Variants in ABR observed in about 807,000 individuals in gnomAD.
ABR encodes ABR activator of RhoGEF and GTPase.
In ABR, 35 loss-of-function variants were observed where a neutral mutation model predicts 107.2. The ratio of observed to expected loss-of-function variants is 0.33; its 90% CI spans 0.25 to 0.43. The LOEUF (loss-of-function observed/expected upper bound fraction) is 0.43, where lower values mean the gene tolerates loss of function less well. Ranked by LOEUF, ABR falls within the 20% of genes least tolerant of loss-of-function variation. The pLI, the probability that ABR is intolerant of heterozygous loss-of-function variation, is 1.00. For missense variants in ABR, 815 were observed against 1,115.2 expected, an observed-to-expected ratio of 0.73 and a Z score of 3.83; for synonymous variants, 498 against 462.0, an observed-to-expected ratio of 1.08 and a Z score of -1.00.
intron 10 of ABR, among the ~76,000 whole-genome samples, chr17:1,065,474 T>A (rs1229931645): frequency 5.0e-5 from 5 of 99,544 alleles, no homozygotes; most frequent in Admixed American, 3.3e-4. Flanking sequence ...TGCATGTTCC[T>A]CTAGACGCTG....
chr17:1,046,329 G>A (rs1215407914), intron 16 of ABR, among the ~76,000 whole-genome samples: 1 of 139,800 alleles, frequency 7.2e-6, no homozygotes, highest in Non-Finnish European at 1.6e-5. Context: ...GTAGAAACAG[G>A]GTTTCGCCAT....
chr17:1,034,985 CT>C (rs2073060767), intron 16 of ABR, among the ~76,000 whole-genome samples: 1 of 152,022 alleles, frequency 6.6e-6, no homozygotes, highest in Non-Finnish European at 1.5e-5. Flanking sequence ...CGATGGCCAG[CT>C]GGTCTCCATG....
intron 10 of ABR, among the ~76,000 whole-genome samples, chr17:1,062,038 G>C (rs1212212315): frequency 6.6e-6 from 1 of 152,210 alleles, no homozygotes; most frequent in Non-Finnish European, 1.5e-5. Context: ...AACCAAGACT[G>C]TGGTGGGCGT....
At chr17:1,152,050 G>A (rs1026223682) in intron 1 of ABR, among the ~76,000 whole-genome samples, 3 of 149,888 alleles carry the variant, frequency 2.0e-5, no homozygotes, top group Admixed American at 1.3e-4. Context: ...AGCACTTTGG[G>A]AGGCCAAAGC....
intron 21 of ABR, among the ~76,000 whole-genome samples, chr17:1,008,871 C>T (rs1172616326): frequency 6.6e-5 from 10 of 152,188 alleles, no homozygotes; most frequent in Admixed American, 6.5e-4. Context: ...CCAACTTTAG[C>T]CACTCTTGGT....
chr17:1,160,342 C>CTT (rs1298766956), intron 1 of ABR, among the ~76,000 whole-genome samples: 1 of 151,644 alleles, frequency 6.6e-6, no homozygotes, highest in East Asian at 1.9e-4. Context: ...GGGCCAGGCA[C>CTT]TCACACATTA....
At chr17:1,206,567 C>T (rs370016063) in intron 1 of ABR, among the ~76,000 whole-genome samples, 2 of 152,176 alleles carry the variant, frequency 1.3e-5, no homozygotes, top group Admixed American at 6.6e-5. Flanking sequence ...AAATAACCAG[C>T]TTTCGTTTCT....
intron 1 of ABR, among the ~76,000 whole-genome samples, chr17:1,137,259 G>C (rs2040108987): frequency 6.6e-6 from 1 of 152,098 alleles, no homozygotes; most frequent in African/African-American, 2.4e-5. Flanking sequence ...GGCCAGGCTG[G>C]TCTTGAACTC....
Position 1,108,821 on chromosome 17 carries a change from C to T in ABR, c.247-8086G>A. ...AGCTGCCGGGGCCGGGACCCTCCGC[C>T]GAGGGCTTCCACCCGGCCGCGCGCT... On this transcript the variant is annotated intron_variant, in intron 2 of 22. Transcript: ENST00000302538. The T allele has an allele frequency of 4.8e-6, 4 of 840,648 alleles. No individual in the cohort carries two copies. The East Asian group carries it at 1.4e-4, about 28-fold the overall frequency. 52.1% of individuals were successfully genotyped at this position (840,648 alleles called of 1,614,324 possible).
Position 1,171,990 on chromosome 17 carries a change from G to A in ABR, c.61+7677C>T, listed in dbSNP as rs118032366. Among the ~76,000 whole-genome samples, 237 of 152,286 alleles carry A rather than the reference G, an allele frequency of 1.6e-3. No individual in the cohort carries two copies. In the East Asian group the frequency reaches 0.023, roughly 15 times the overall value. On this transcript the variant is annotated intron_variant, in intron 1 of 22. Transcript: ENST00000302538. ...TAATCAATCAGGTCACCACAGAGCC[G>A]ACCACATCTGGCTCTATCTACTGAA...
At chr17:1,178,555 ACTCCGT>A in intron 1 of ABR, among the ~76,000 whole-genome samples, 1 of 116,044 alleles carries the variant, frequency 8.6e-6, no homozygotes, top group East Asian at 2.2e-4. Context: ...CAGAGCCGAG[ACTCCGT>A]CTCAAAAAAA....
chr17:1,093,056 C>T (rs565175120), intron 3 of ABR, among the ~76,000 whole-genome samples: 4 of 151,862 alleles, frequency 2.6e-5, no homozygotes, highest in South Asian at 2.1e-4. Flanking sequence ...CTCCTGACCT[C>T]GTGATCCACC....
At chr17:1,222,562 G>C (rs549138891) in intron 1 of ABR, among the ~76,000 whole-genome samples, 7 of 152,224 alleles carry the variant, frequency 4.6e-5, no homozygotes, top group African/African-American at 1.7e-4. Flanking sequence ...AGATGAATCA[G>C]GTTCAGGTAA....
At chr17:1,079,024 C>T (rs1353272357) in intron 6 of ABR, 27 of 1,165,712 alleles carry the variant, frequency 2.3e-5, no homozygotes, top group Admixed American at 9.9e-5. Flanking sequence ...GGGAGGGAGG[C>T]GCGTGGCGAG....
chr17:1,188,159 A>G (rs1235346257), upstream of ABR, among the ~76,000 whole-genome samples: 2 of 151,852 alleles, frequency 1.3e-5, no homozygotes, highest in Non-Finnish European at 2.9e-5. Flanking sequence ...GTGAACTGAG[A>G]TCGTACCACT....
At chr17:1,023,462 C>T (rs2071891474) in intron 16 of ABR, among the ~76,000 whole-genome samples, 1 of 152,236 alleles carries the variant, frequency 6.6e-6, no homozygotes, top group African/African-American at 2.4e-5. Context: ...AGGAAGCCGG[C>T]CCTGCCCCAG....
At chr17:1,083,934 G>A (rs1038026964) in intron 4 of ABR, among the ~76,000 whole-genome samples, 5 of 152,094 alleles carry the variant, frequency 3.3e-5, no homozygotes, top group East Asian at 1.9e-4. Context: ...TCCTCAGCAC[G>A]GTGAAGGTCT....
chr17:1,077,090 A>C (rs1267141169), intron 6 of ABR, among the ~76,000 whole-genome samples: 2 of 152,224 alleles, frequency 1.3e-5, no homozygotes, highest in Non-Finnish European at 2.9e-5. Context: ...AGACAAGGCA[A>C]CTGAGGCCAG....
chr17:1,182,516 T>C (rs971296498), upstream of ABR, among the ~76,000 whole-genome samples: 11 of 152,212 alleles, frequency 7.2e-5, no homozygotes, highest in South Asian at 4.2e-4. Flanking sequence ...TACAGGCACG[T>C]GCCACCACGC....
Sources: gnomAD v4.1 joint callset for allele counts (sites outside exome capture counted in the v4.1 genomes callset) on GRCh38, gnomAD v4.1.1 for gene constraint, MANE v1.5 for transcripts, NCBI Gene and HGNC (gene_info 2026-07-23, HGNC 2026-07-21) for gene names.